MAPK10: variants seen among roughly 807,000 people sequenced by gnomAD.
The protein encoded by MAPK10 is JNK3 alpha protein kinase.
MAPK10 carries 25 observed loss-of-function variants against 59.3 expected under a neutral mutation model. The ratio of observed to expected loss-of-function variants is 0.42; its 90% confidence interval spans 0.31 to 0.59. The LOEUF is 0.59. MAPK10 is among the 20% of genes least tolerant of loss of function. The pLI is 0.15. For synonymous variants in MAPK10, 190 were observed against 200.5 expected, an observed-to-expected ratio of 0.95 and a Z score of 0.44; for missense variants, 351 against 568.9, an observed-to-expected ratio of 0.62 and a Z score of 3.90.
In MAPK10 at chr4:86,107,370, C is replaced by G; in HGVS notation, c.237-18G>C. 1 of 1,599,630 alleles carries G rather than the reference C, an allele frequency of 6.3e-7. No homozygotes were observed. The highest frequency in any genetic ancestry group is 8.5e-7 in the Non-Finnish European group (1 of 1,175,512). On this transcript the variant is annotated intron_variant, in intron 4 of 13. Transcript: ENST00000641462. ...ACGCGGCACTGTAGAGATCCAAGAG[C>G]AACTCAGAATTAAGAACAAAAGATT... is the stretch of plus-strand genomic sequence containing the variant.
At chr4:86,520,305 C>T (rs1393774747) in intron 1 of MAPK10, among the ~76,000 whole-genome samples, 1 of 152,084 alleles carries the variant, frequency 6.6e-6, no homozygotes, top group Non-Finnish European at 1.5e-5. Flanking sequence ...AGGCTTTGTT[C>T]AATTTTTTTG....
intron 1 of MAPK10, among the ~76,000 whole-genome samples, chr4:86,576,138 C>T (rs1380273355): frequency 6.6e-6 from 1 of 151,820 alleles, no homozygotes; most frequent in Non-Finnish European, 1.5e-5. Context: ...ATTAAAGGTA[C>T]AAGCCATCAT....
At chr4:86,250,584 A>T (rs2093360818) in intron 2 of MAPK10, among the ~76,000 whole-genome samples, 1 of 152,184 alleles carries the variant, frequency 6.6e-6, no homozygotes, top group Admixed American at 6.6e-5. Flanking sequence ...ATCTCTGAAA[A>T]TTTAATTAAA....
At chr4:86,360,110 C>G (rs1194720307), upstream of MAPK10, 1 of 985,416 alleles carries the variant, frequency 1.0e-6, no homozygotes, top group Non-Finnish European at 1.2e-6. Flanking sequence ...CTATGGCAAC[C>G]GAAAGGAGCA....
chr4:86,440,039 T>G (rs987173870), intron 1 of MAPK10, among the ~76,000 whole-genome samples: 3 of 152,188 alleles, frequency 2.0e-5, no homozygotes, highest in Non-Finnish European at 4.4e-5. Context: ...CAAATTTTTC[T>G]TCTGAAATAG....
intron 1 of MAPK10, among the ~76,000 whole-genome samples, chr4:86,444,630 G>A (rs993647853): frequency 1.4e-4 from 21 of 151,460 alleles, no homozygotes; most frequent in Non-Finnish European, 2.5e-4. Context: ...GATCAAACAG[G>A]CAACCTACAG....
At chr4:86,300,149 T>G (rs532721674) in intron 2 of MAPK10, among the ~76,000 whole-genome samples, 31 of 152,302 alleles carry the variant, frequency 2.0e-4, no homozygotes, top group African/African-American at 7.5e-4. Flanking sequence ...CACCTCGGCC[T>G]CCAAAAGTGT....
chr4:86,178,041 AC>A lies in MAPK10; in HGVS notation c.66+16294del, dbSNP rs1339619026. Among the ~76,000 whole-genome samples, 5 of 152,248 alleles carry A rather than the reference AC, an allele frequency of 3.3e-5. No individual in the cohort carries two copies. In the East Asian group the frequency reaches 9.6e-4, roughly 29 times the overall value. On this transcript the variant is annotated intron_variant, in intron 3 of 13. Coordinates refer to ENST00000641462, the MANE Select transcript of MAPK10 (RefSeq NM_138982.4). Reference sequence around the variant, plus strand: ...CCAAAAAAAGTAAGAATTGTTTTTAACTGAAGGCTAATTTTGACACTAACAA... The same window carrying A: ...CCAAAAAAAGTAAGAATTGTTTTTAATGAAGGCTAATTTTGACACTAACAA...
At chr4:86,450,878 T>C (rs999793055) in intron 1 of MAPK10, among the ~76,000 whole-genome samples, 2 of 152,232 alleles carry the variant, frequency 1.3e-5, no homozygotes, top group South Asian at 2.1e-4. Context: ...AATTCAAAAG[T>C]ATTCTTTCCA....
rs1364940694 is a variant in MAPK10, at chr4:86,046,872, A to T, written c.1111-15441T>A. 2.6e-5 allele frequency among the ~76,000 whole-genome samples: 4 copies of T among 152,176 alleles called. No individual in the cohort carries two copies. In the East Asian group the frequency reaches 7.7e-4, roughly 29 times the overall value. On this transcript the variant is annotated intron_variant, in intron 11 of 13. Transcript: ENST00000641462. Reference sequence around the variant, plus strand: ...ACAGTGTTCTAGGTAGTTGGGATACAGCAGTGCCCCAAAGAGTCACTGTCT... The same window carrying T: ...ACAGTGTTCTAGGTAGTTGGGATACTGCAGTGCCCCAAAGAGTCACTGTCT...
chr4:86,343,987 G>A, intron 2 of MAPK10, among the ~76,000 whole-genome samples: 1 of 151,980 alleles, frequency 6.6e-6, no homozygotes, highest in East Asian at 1.9e-4. Flanking sequence ...TTATAAAATG[G>A]TAAATACCAG....
chr4:86,325,501 T>C (rs1187946978), intron 2 of MAPK10, among the ~76,000 whole-genome samples: 2 of 152,234 alleles, frequency 1.3e-5, no homozygotes, highest in African/African-American at 4.8e-5. Flanking sequence ...ATTTATTGAA[T>C]TAACATCATC....
intron 2 of MAPK10, among the ~76,000 whole-genome samples, chr4:86,221,898 C>T (rs1386864641): frequency 1.3e-5 from 2 of 152,146 alleles, no homozygotes; most frequent in Non-Finnish European, 2.9e-5. Context: ...GCACCATCCC[C>T]TCAGCACTGT....
chr4:86,206,494 T>C lies in MAPK10; in HGVS notation c.-6-12087A>G, dbSNP rs547929738. Among the ~76,000 whole-genome samples the C allele has an allele frequency of 4.5e-4, 68 of 152,094 alleles. 1 individual carries two copies. The East Asian group carries it at 5.0e-3, about 11-fold the overall frequency. On this transcript the variant is annotated intron_variant, in intron 2 of 13. Transcript: ENST00000641462. ...AAGTCTTTGCTTTTGTGAATAGTGC[T>C]GCAATAAACATACGTGTGCATGTGT...
intron 13 of MAPK10, among the ~76,000 whole-genome samples, chr4:86,021,403 G>A (rs1167184727): frequency 6.6e-6 from 1 of 151,824 alleles, no homozygotes; most frequent in Non-Finnish European, 1.5e-5. Flanking sequence ...CCCCACCAGA[G>A]CAGCTAAATA....
At chr4:86,452,132 C>T (rs183288341) in intron 1 of MAPK10, among the ~76,000 whole-genome samples, 2 of 152,282 alleles carry the variant, frequency 1.3e-5, no homozygotes, top group Admixed American at 6.5e-5. Context: ...TCTGCACACT[C>T]CTCCACCATA....
At chr4:86,058,285 A>G (rs1215076502) in intron 11 of MAPK10, among the ~76,000 whole-genome samples, 1 of 149,608 alleles carries the variant, frequency 6.7e-6, no homozygotes. Context: ...AATTGTGAAT[A>G]AGGAAAGAAT....
At chr4:86,115,013 C>T (rs532686267) in intron 4 of MAPK10, among the ~76,000 whole-genome samples, 1 of 152,358 alleles carries the variant, frequency 6.6e-6, no homozygotes, top group South Asian at 2.1e-4. Context: ...ACCCAGTCTC[C>T]CTGACACCAG....
chr4:86,240,881 AT>A (rs532642343), intron 2 of MAPK10, among the ~76,000 whole-genome samples: 76 of 152,148 alleles, frequency 5.0e-4, no homozygotes, highest in Non-Finnish European at 9.8e-4. Flanking sequence ...TACTATCGTT[AT>A]GATGCTTTTT....
Sources: allele counts gnomAD v4.1 joint callset (sites outside exome capture counted in the v4.1 genomes callset), GRCh38; gene constraint gnomAD v4.1.1; transcripts MANE v1.5; gene names NCBI Gene and HGNC (gene_info 2026-07-23, HGNC 2026-07-21).